Variants in RPS6KA2 observed in about 807,000 individuals in gnomAD.
RPS6KA2 encodes ribosomal protein S6 kinase A2, also known as ribosomal protein S6 kinase alpha-2.
In RPS6KA2, 42 loss-of-function variants were observed where a neutral mutation model predicts 91.8. That is an observed-to-expected ratio of 0.46 (90% CI 0.36 to 0.59). The LOEUF is 0.59. Among genes scored for constraint, RPS6KA2 ranks in the 20% least tolerant of loss-of-function variants. The pLI is 0.00. For missense variants in RPS6KA2, 798 were observed against 978.5 expected, an observed-to-expected ratio of 0.82 and a Z score of 2.46; for synonymous variants, 414 against 393.6, an observed-to-expected ratio of 1.05 and a Z score of -0.61.
At chr6:166,743,750 T>C (rs1358929313) in intron 2 of RPS6KA2, among the ~76,000 whole-genome samples, 9 of 152,136 alleles carry the variant, frequency 5.9e-5, no homozygotes, top group Non-Finnish European at 1.5e-5. Flanking sequence ...CGTAGAACGT[T>C]AACAAACCAG....
chr6:166,706,263 C>T (rs1329888898), intron 2 of RPS6KA2, among the ~76,000 whole-genome samples: 1 of 152,180 alleles, frequency 6.6e-6, no homozygotes, highest in Admixed American at 6.5e-5. Flanking sequence ...GACCACATGG[C>T]TCATGTTGCT....
At chr6:166,827,613 G>A (rs976538565) in intron 2 of RPS6KA2, among the ~76,000 whole-genome samples, 2 of 152,284 alleles carry the variant, frequency 1.3e-5, no homozygotes, top group East Asian at 1.9e-4. Context: ...TGGAGAACAC[G>A]GTTATTAACA....
At chr6:166,526,235 C>T (rs60508395) in intron 3 of RPS6KA2, among the ~76,000 whole-genome samples, 5,541 of 151,724 alleles carry the variant, frequency 0.037, 335 homozygotes, top group African/African-American at 0.12. Context: ...TGGATCATTA[C>T]GGAAAGCCGA....
chr6:166,496,561 T>G (rs1781794730), intron 8 of RPS6KA2, among the ~76,000 whole-genome samples: 1 of 152,064 alleles, frequency 6.6e-6, no homozygotes, highest in Non-Finnish European at 1.5e-5. Flanking sequence ...TGCTTTTCTC[T>G]GCTAAGTTAC....
chr6:166,758,731 C>G (rs1778090576), intron 2 of RPS6KA2, among the ~76,000 whole-genome samples: 1 of 152,148 alleles, frequency 6.6e-6, no homozygotes, highest in African/African-American at 2.4e-5. Context: ...TATAAAAACA[C>G]AGGACTTGAA....
At chr6:166,429,167 T>G (rs938146089) in intron 16 of RPS6KA2, among the ~76,000 whole-genome samples, 1 of 151,778 alleles carries the variant, frequency 6.6e-6, no homozygotes, top group Non-Finnish European at 1.5e-5. Flanking sequence ...ATCATCATTC[T>G]CAGTAAACCG....
intron 2 of RPS6KA2, among the ~76,000 whole-genome samples, chr6:166,643,223 T>G (rs1472542485): frequency 1.3e-5 from 2 of 152,308 alleles, no homozygotes; most frequent in Non-Finnish European, 2.9e-5. Flanking sequence ...ATATACAATC[T>G]AAATAGAAAT....
At chr6:166,670,606 G>C (rs1430607196) in intron 2 of RPS6KA2, among the ~76,000 whole-genome samples, 1 of 152,130 alleles carries the variant, frequency 6.6e-6, no homozygotes, top group Non-Finnish European at 1.5e-5. Context: ...ACATAAGTGT[G>C]ATCTTAATTT....
intron 2 of RPS6KA2, among the ~76,000 whole-genome samples, chr6:166,713,314 A>ATTTTG (rs761918328): frequency 2.6e-4 from 40 of 152,288 alleles, no homozygotes; most frequent in Middle Eastern, 6.8e-3. Context: ...AGGGGTTTTC[A>ATTTTG]TTTTGTTTTG....
intron 2 of RPS6KA2, among the ~76,000 whole-genome samples, chr6:166,777,968 A>G (rs1160176734): frequency 2.0e-5 from 3 of 152,246 alleles, no homozygotes. Context: ...GTAAATCTTA[A>G]TACAGTAAAT....
At chr6:166,415,814 C>A (rs992348968) in intron 19 of RPS6KA2, among the ~76,000 whole-genome samples, 3 of 152,028 alleles carry the variant, frequency 2.0e-5, no homozygotes, top group Non-Finnish European at 2.9e-5. Context: ...ATGCCAGCTG[C>A]CATCACCTCT....
chr6:166,527,983 C>T (rs539300268), intron 3 of RPS6KA2, among the ~76,000 whole-genome samples: 1 of 152,082 alleles, frequency 6.6e-6, no homozygotes, highest in East Asian at 1.9e-4. Context: ...CCTTTTTTGG[C>T]TACTGTGAAT....
chr6:166,787,501 A>C (rs965306481), intron 2 of RPS6KA2, among the ~76,000 whole-genome samples: 3 of 151,304 alleles, frequency 2.0e-5, no homozygotes, highest in African/African-American at 7.3e-5. Flanking sequence ...GAAATGTTCC[A>C]AAAAAAAAGG....
In RPS6KA2 at chr6:166,445,766, C is replaced by A. The variant is rs1779658836; in HGVS notation, c.1332+2958G>T. 1.3e-5 allele frequency among the ~76,000 whole-genome samples: 2 copies of A among 152,202 alleles called. No homozygotes were observed. The highest frequency in any genetic ancestry group is 4.1e-4 in the South Asian group (2 of 4,826). ...GTGACGGGACTGCTTCTGAAGCAGA[C>A]CCCGTTTGTATCCATGAGCCAGGGG... is the stretch of plus-strand genomic sequence containing the variant. On this transcript the variant is annotated intron_variant, in intron 14 of 20. Coordinates refer to ENST00000265678, the MANE Select transcript of RPS6KA2 (RefSeq NM_021135.6). The surrounding 1 kb of genome is among the most constrained non-coding windows in gnomAD (Gnocchi z 4.5).
At chr6:166,443,711 C>T (rs78431834) in intron 14 of RPS6KA2, among the ~76,000 whole-genome samples, 1,719 of 152,188 alleles carry the variant, frequency 0.011, 42 homozygotes, top group East Asian at 0.069. Flanking sequence ...CTGCAAATGG[C>T]GCCACGTATG....
rs144204532 is a variant in RPS6KA2 at position 166,602,130 on chromosome 6, C to T, written c.99+24791G>A. On this transcript the variant is annotated intron_variant, in intron 1 of 20. Transcript: ENST00000265678. Reference sequence around the variant, plus strand: ...AAGGGAGTCTGACCACACTGGCCATCGGGCAGTGCGTGTTCCGGCCACGGT... The same window carrying T: ...AAGGGAGTCTGACCACACTGGCCATTGGGCAGTGCGTGTTCCGGCCACGGT... Among the ~76,000 whole-genome samples the T allele has an allele frequency of 1.5e-4, 23 of 152,330 alleles. No homozygotes were observed. In the East Asian group the frequency reaches 4.2e-3, roughly 28 times the overall value.
chr6:166,650,484 C>T lies in RPS6KA2; in HGVS notation c.124-111700G>A, dbSNP rs1049705934. Reference sequence around the variant, plus strand: ...GTCCATGTTCACCGTCCTCTTTTCACGGCCATCACTTTAAGCTGGAGGAGA... The same window carrying T: ...GTCCATGTTCACCGTCCTCTTTTCATGGCCATCACTTTAAGCTGGAGGAGA... On this transcript the variant is annotated intron_variant, in intron 2 of 21. Transcript: ENST00000503859. Among the ~76,000 whole-genome samples, 8 of 151,776 alleles carry T rather than the reference C, an allele frequency of 5.3e-5. No individual in the cohort carries two copies. In the South Asian group the frequency reaches 1.0e-3, roughly 20 times the overall value.
intron 1 of RPS6KA2, among the ~76,000 whole-genome samples, chr6:166,599,028 C>A (rs748730098): frequency 1.2e-4 from 19 of 152,192 alleles, no homozygotes; most frequent in Non-Finnish European, 2.2e-4. Context: ...GTTCGGTGAT[C>A]AAAATCTCTC....
At chr6:166,782,465 A>G (rs1778795937) in intron 2 of RPS6KA2, among the ~76,000 whole-genome samples, 1 of 152,044 alleles carries the variant, frequency 6.6e-6, no homozygotes, top group South Asian at 2.1e-4. Flanking sequence ...GAGGAGACAC[A>G]CCCATGCACC....
Sources: allele counts gnomAD v4.1 joint callset (sites outside exome capture counted in the v4.1 genomes callset), GRCh38; gene constraint gnomAD v4.1.1; non-coding constraint Gnocchi (gnomAD v3.1); transcripts MANE v1.5; gene names NCBI Gene and HGNC (gene_info 2026-07-23, HGNC 2026-07-21).